The following PGCKA1 variants were observed in gnomAD, a reference collection of about 807,000 sequenced individuals.
PGCKA1 encodes the protein PDCD10 and GCKIII kinases-associated protein 1.
At chr4:37,468,759 T>C in the PGCKA1 span, among the ~76,000 whole-genome samples, 13 of 139,392 alleles carry the variant, frequency 9.3e-5, no homozygotes, top group South Asian at 2.3e-4. Flanking sequence ...CACACACATA[T>C]GTTTGTGTAA....
chr4:37,540,838 C>T, the PGCKA1 span, among the ~76,000 whole-genome samples: 117 of 152,246 alleles, frequency 7.7e-4, 1 homozygote, highest in Middle Eastern at 0.01. Flanking sequence ...GGGAAACAAA[C>T]CTGACTGCAT....
chr4:37,591,727 C>T, the PGCKA1 span: 8 of 152,324 alleles, frequency 5.3e-5, no homozygotes, highest in African/African-American at 1.9e-4. Flanking sequence ...CTGCTTATGT[C>T]ATATTTGGAT....
At chr4:37,469,805 G>C in the PGCKA1 span, among the ~76,000 whole-genome samples, 1 of 152,184 alleles carries the variant, frequency 6.6e-6, no homozygotes, top group Non-Finnish European at 1.5e-5. Context: ...ACAACAGGAT[G>C]AGCTATTTGA....
the PGCKA1 span, among the ~76,000 whole-genome samples, chr4:37,478,152 A>ACCC: frequency 0.049 from 3,875 of 78,910 alleles, 213 homozygotes; most frequent in East Asian, 0.16. Flanking sequence ...ACCCCCCCCC[A>ACCC]CCGCCACTTA....
At chr4:37,582,095 AAC>A in the PGCKA1 span, among the ~76,000 whole-genome samples, 2 of 151,982 alleles carry the variant, frequency 1.3e-5, no homozygotes, top group Non-Finnish European at 2.9e-5. Flanking sequence ...CCCTCCCCCA[AAC>A]ACACAGATGC....
chr4:37,572,048 C>CTT, the PGCKA1 span, among the ~76,000 whole-genome samples: 37 of 111,602 alleles, frequency 3.3e-4, no homozygotes, highest in Non-Finnish European at 4.2e-4. Flanking sequence ...AACTTCACAC[C>CTT]TTTTTTTTTT....
At chr4:37,504,012 A>T in the PGCKA1 span, among the ~76,000 whole-genome samples, 1 of 152,098 alleles carries the variant, frequency 6.6e-6, no homozygotes, top group Admixed American at 6.5e-5. Context: ...CTGAGGTATT[A>T]CTTTGTCCAG....
the PGCKA1 span, among the ~76,000 whole-genome samples, chr4:37,466,355 C>G: frequency 6.6e-6 from 1 of 152,136 alleles, no homozygotes; most frequent in African/African-American, 2.4e-5. Context: ...TAATCTACAT[C>G]CTAAAGCACA....
the PGCKA1 span, among the ~76,000 whole-genome samples, chr4:37,554,226 C>T: frequency 7.9e-5 from 12 of 152,318 alleles, no homozygotes; most frequent in East Asian, 2.1e-3. Flanking sequence ...GAGGCCTCCC[C>T]AGCCACGTGG....
chr4:37,458,935 C>T, the PGCKA1 span, among the ~76,000 whole-genome samples: 10 of 152,076 alleles, frequency 6.6e-5, no homozygotes, highest in African/African-American at 2.4e-4. Flanking sequence ...AGGCAAAATT[C>T]CTATTTTACA....
At chr4:37,481,454 G>T in the PGCKA1 span, among the ~76,000 whole-genome samples, 19 of 62,742 alleles carry the variant, frequency 3.0e-4, no homozygotes, top group Admixed American at 6.2e-4. Flanking sequence ...AACAGAGCAA[G>T]ACCTGTCTCC....
the PGCKA1 span, chr4:37,590,046 T>A: frequency 7.0e-7 from 1 of 1,425,668 alleles, no homozygotes; most frequent in South Asian, 1.3e-5. Flanking sequence ...AAAGCATTAA[T>A]GATGGAGCAG....
the PGCKA1 span, among the ~76,000 whole-genome samples, chr4:37,550,789 G>T: frequency 2.0e-5 from 3 of 152,152 alleles, no homozygotes; most frequent in African/African-American, 7.2e-5. Flanking sequence ...TGTTATGTTT[G>T]TGGAGGAACT....
At chr4:37,582,558 T>C in the PGCKA1 span, among the ~76,000 whole-genome samples, 1 of 152,146 alleles carries the variant, frequency 6.6e-6, no homozygotes, top group Non-Finnish European at 1.5e-5. Context: ...CATTCTTCTG[T>C]CTTTCTTTGC....
chr4:37,462,235 C>A, the PGCKA1 span, among the ~76,000 whole-genome samples: 9 of 152,254 alleles, frequency 5.9e-5, no homozygotes, highest in East Asian at 1.7e-3. Flanking sequence ...GTTTATTAGG[C>A]CTTCCCAACA....
At chr4:37,466,846 C>T in the PGCKA1 span, among the ~76,000 whole-genome samples, 4 of 152,258 alleles carry the variant, frequency 2.6e-5, no homozygotes, top group Non-Finnish European at 5.9e-5. Flanking sequence ...ACCTGTAATC[C>T]CAGCACTTTG....
At chr4:37,563,164 T>G in the PGCKA1 span, among the ~76,000 whole-genome samples, 1 of 117,788 alleles carries the variant, frequency 8.5e-6, no homozygotes, top group African/African-American at 2.7e-5. Context: ...GTGGGATAAC[T>G]TCTAAGATTC....
At chr4:37,528,120 A>G in the PGCKA1 span, among the ~76,000 whole-genome samples, 1 of 152,160 alleles carries the variant, frequency 6.6e-6, no homozygotes, top group Admixed American at 6.5e-5. Flanking sequence ...ACTGAATTTA[A>G]TTATTTCGAG....
At chr4:37,520,908 C>T in the PGCKA1 span, among the ~76,000 whole-genome samples, 637 of 152,302 alleles carry the variant, frequency 4.2e-3, 6 homozygotes, top group African/African-American at 0.015. Context: ...TGAGCCACTG[C>T]GCCCAGCCCT....
Sources: allele counts gnomAD v4.1 joint callset (sites outside exome capture counted in the v4.1 genomes callset), GRCh38; gene constraint gnomAD v4.1.1; transcripts MANE v1.5; gene names NCBI Gene and HGNC (gene_info 2026-07-23, HGNC 2026-07-21).